CNTN4: variants seen among roughly 807,000 people sequenced by gnomAD.
CNTN4 encodes the protein contactin-4.
A neutral mutation model predicts 122.5 loss-of-function variants in CNTN4; 77 were observed. The ratio of observed to expected loss-of-function variants is 0.63; its 90% CI spans 0.52 to 0.76. The LOEUF (loss-of-function observed/expected upper bound fraction) is 0.76. CNTN4 is among the 30% of genes least tolerant of loss of function. The probability of loss-of-function intolerance (pLI) is 0.00; values close to 1 mark genes in which losing one functional copy is unlikely to be tolerated. For synonymous variants in CNTN4, 512 were observed against 447.0 expected (o/e 1.15, Z -1.83); for missense variants, 1,256 against 1,259.1 (o/e 1.00, Z 0.04).
At chr3:2,202,697 C>G (rs2038154407) in intron 2 of CNTN4, among the ~76,000 whole-genome samples, 1 of 152,074 alleles carries the variant, frequency 6.6e-6, no homozygotes, top group Admixed American at 6.5e-5. Flanking sequence ...TACTTAAGGT[C>G]ACATAGCTAG....
intron 2 of CNTN4, among the ~76,000 whole-genome samples, chr3:2,149,952 A>G (rs536583519): frequency 6.9e-6 from 1 of 143,962 alleles, no homozygotes; most frequent in African/African-American, 2.6e-5. Flanking sequence ...TCAACAGGGA[A>G]TGGGGTGGGC....
intron 10 of CNTN4, among the ~76,000 whole-genome samples, chr3:2,899,525 CATT>C (rs1435493374): frequency 7.9e-5 from 12 of 152,172 alleles, no homozygotes; most frequent in Non-Finnish European, 1.2e-4. Context: ...ATATGTTTAT[CATT>C]ATTCTTAATG....
At chr3:2,285,297 T>C (rs928449589) in intron 2 of CNTN4, among the ~76,000 whole-genome samples, 1 of 152,128 alleles carries the variant, frequency 6.6e-6, no homozygotes, top group African/African-American at 2.4e-5. Flanking sequence ...ATTTGATGAA[T>C]GGTCTAGTTA....
intron 12 of CNTN4, among the ~76,000 whole-genome samples, chr3:2,925,226 C>T (rs1447770912): frequency 1.3e-5 from 2 of 152,136 alleles, no homozygotes; most frequent in South Asian, 4.2e-4. Flanking sequence ...TTAGCTTCCT[C>T]CCTTTGATGA....
At chr3:2,722,339 A>G (rs1291477995) in intron 4 of CNTN4, among the ~76,000 whole-genome samples, 1 of 152,168 alleles carries the variant, frequency 6.6e-6, no homozygotes, top group Non-Finnish European at 1.5e-5. Flanking sequence ...GTGGGTACTC[A>G]GTAAATACTT....
chr3:2,603,001 A>AT (rs1326900341), intron 4 of CNTN4, among the ~76,000 whole-genome samples: 1 of 152,194 alleles, frequency 6.6e-6, no homozygotes, highest in African/African-American at 2.4e-5. Context: ...GGCTTAGTAA[A>AT]TACAATTATG....
intron 2 of CNTN4, among the ~76,000 whole-genome samples, chr3:2,297,962 G>A (rs879919145): frequency 7.9e-5 from 12 of 152,120 alleles, no homozygotes; most frequent in Non-Finnish European, 1.3e-4. Context: ...GAACTCCTGA[G>A]CTCTAGCATC....
At chr3:2,298,903 A>G (rs570220466) in intron 2 of CNTN4, among the ~76,000 whole-genome samples, 21 of 152,326 alleles carry the variant, frequency 1.4e-4, no homozygotes, top group Admixed American at 1.0e-3. Context: ...CACTTGGTAT[A>G]TGAGAATTTG....
chr3:2,597,160 A>G (rs947835796), intron 4 of CNTN4, among the ~76,000 whole-genome samples: 12 of 152,296 alleles, frequency 7.9e-5, no homozygotes, highest in African/African-American at 2.4e-4. Context: ...TAGCATTTCC[A>G]AGGCACCTGC....
At chr3:2,840,696 C>A (rs192368655) in intron 7 of CNTN4, among the ~76,000 whole-genome samples, 37 of 151,050 alleles carry the variant, frequency 2.4e-4, no homozygotes, top group African/African-American at 7.8e-4. Context: ...GACACTCCGT[C>A]TCCAAAAAAT....
intron 24 of CNTN4, among the ~76,000 whole-genome samples, chr3:3,055,568 G>C (rs1484761689): frequency 6.6e-6 from 1 of 152,180 alleles, no homozygotes; most frequent in East Asian, 1.9e-4. Context: ...AAAGGATTGA[G>C]GCTATTTTGT....
intron 13 of CNTN4, among the ~76,000 whole-genome samples, chr3:2,978,725 G>T (rs910296111): frequency 6.6e-6 from 1 of 152,166 alleles, no homozygotes; most frequent in Non-Finnish European, 1.5e-5. Context: ...GTTGGGGGAT[G>T]CCTGTCTAAC....
chr3:2,916,896 G>A (rs2094366820), intron 12 of CNTN4, among the ~76,000 whole-genome samples: 2 of 150,634 alleles, frequency 1.3e-5, no homozygotes, highest in Non-Finnish European at 3.0e-5. Flanking sequence ...TTCCTAGACG[G>A]GGTGGCGGCC....
At chr3:2,637,378 G>A (rs927267537) in intron 4 of CNTN4, among the ~76,000 whole-genome samples, 2 of 152,092 alleles carry the variant, frequency 1.3e-5, no homozygotes, top group Admixed American at 6.6e-5. Context: ...TCTGATTCCA[G>A]GTATGGCTTC....
chr3:2,456,924 T>C (rs865796186), intron 3 of CNTN4, among the ~76,000 whole-genome samples: 1 of 152,084 alleles, frequency 6.6e-6, no homozygotes, highest in Non-Finnish European at 1.5e-5. Context: ...ATGAACTGAG[T>C]GCTTTGTACC....
At chr3:2,696,670 G>C (rs1011902347) in intron 4 of CNTN4, among the ~76,000 whole-genome samples, 15 of 152,180 alleles carry the variant, frequency 9.9e-5, no homozygotes, top group Admixed American at 8.5e-4. Flanking sequence ...CAAAGGGACT[G>C]AGACAGTATA....
intron 2 of CNTN4, among the ~76,000 whole-genome samples, chr3:2,233,112 A>G (rs980197682): frequency 4.9e-5 from 3 of 60,752 alleles, no homozygotes; most frequent in African/African-American, 1.5e-4. Context: ...TTATATTTTT[A>G]AACTAATGGG....
intron 6 of CNTN4, among the ~76,000 whole-genome samples, chr3:2,815,841 C>T (rs191625258): frequency 1.4e-5 from 2 of 147,902 alleles, no homozygotes; most frequent in Non-Finnish European, 2.9e-5. Context: ...CACAAGTGCC[C>T]ATCAATCAAT....
chr3:2,652,024 T>G (rs553959115), intron 4 of CNTN4, among the ~76,000 whole-genome samples: 25 of 151,856 alleles, frequency 1.6e-4, no homozygotes, highest in African/African-American at 4.8e-4. Context: ...AGGTGTTGTT[T>G]TTTTTTTTTT....
Sources: allele counts gnomAD v4.1 joint callset (sites outside exome capture counted in the v4.1 genomes callset), GRCh38; gene constraint gnomAD v4.1.1; transcripts MANE v1.5; gene names NCBI Gene and HGNC (gene_info 2026-07-23, HGNC 2026-07-21).